Variants in PARD3B observed in about 807,000 individuals in gnomAD.
PARD3B encodes the protein par-3 family cell polarity regulator beta.
Under a neutral mutation model 130.2 loss-of-function variants are expected in PARD3B, and 103 were observed. That is an observed-to-expected ratio of 0.79 (90% CI 0.67 to 0.93). PARD3B has a LOEUF of 0.93. Ranked by LOEUF, PARD3B falls within the 40% of genes least tolerant of loss-of-function variation. The pLI is 0.00. For synonymous variants in PARD3B, 583 were observed against 553.2 expected, an observed-to-expected ratio of 1.05 and a Z score of -0.76; for missense variants, 1,609 against 1,499.2, an observed-to-expected ratio of 1.07 and a Z score of -1.21.
intron 22 of PARD3B, among the ~76,000 whole-genome samples, chr2:205,607,569 C>T (rs964930730): frequency 6.6e-6 from 1 of 152,090 alleles, no homozygotes; most frequent in Non-Finnish European, 1.5e-5. Flanking sequence ...GGAATAAATC[C>T]GTCAAATGGA....
At chr2:204,860,532 A>G (rs904399560) in intron 2 of PARD3B, among the ~76,000 whole-genome samples, 6 of 152,312 alleles carry the variant, frequency 3.9e-5, no homozygotes, top group South Asian at 2.1e-4. Context: ...GAAGACGACA[A>G]CTTCTCCAGT....
At chr2:205,349,702 ACACT>A (rs1218258892) in intron 18 of PARD3B, among the ~76,000 whole-genome samples, 2 of 152,074 alleles carry the variant, frequency 1.3e-5, no homozygotes, top group Non-Finnish European at 2.9e-5. Flanking sequence ...TGAGTAGGTA[ACACT>A]CAGTTACCTA....
chr2:205,391,841 CT>C (rs1038752822), intron 18 of PARD3B, among the ~76,000 whole-genome samples: 5 of 152,060 alleles, frequency 3.3e-5, no homozygotes, highest in African/African-American at 1.2e-4. Flanking sequence ...AATTTCTGGC[CT>C]TTTTTTCATA....
intron 3 of PARD3B, among the ~76,000 whole-genome samples, chr2:204,965,719 C>T (rs1691181173): frequency 6.6e-6 from 1 of 152,146 alleles, no homozygotes; most frequent in Non-Finnish European, 1.5e-5. Context: ...TCTTTTTCTG[C>T]CCAAACTATA....
chr2:204,666,487 A>T (rs1252202971), intron 1 of PARD3B, among the ~76,000 whole-genome samples: 1 of 152,172 alleles, frequency 6.6e-6, no homozygotes, highest in African/African-American at 2.4e-5. Context: ...AAGTGAGTCG[A>T]TGTAGAGAAA....
At chr2:204,970,589 C>T (rs868828384) in intron 3 of PARD3B, among the ~76,000 whole-genome samples, 1 of 152,036 alleles carries the variant, frequency 6.6e-6, no homozygotes, top group Non-Finnish European at 1.5e-5. Flanking sequence ...TGCTATGGCC[C>T]CAATTAATTA....
chr2:204,909,639 A>G lies in PARD3B; in HGVS notation c.223-55513A>G, dbSNP rs139600915. 6.6e-4 allele frequency among the ~76,000 whole-genome samples: 101 copies of G among 152,274 alleles called. 1 individual carries two copies. Among genetic ancestry groups the G allele is most frequent in the African/African-American group, 2.3e-3 (97 of 41,550 alleles). On this transcript the variant is annotated intron_variant, in intron 2 of 22. Transcript: ENST00000406610. ...TCTCACTTGTAAAATGAAGATAATC[A>G]TAGTACCTACCAGTAAGCTTATATA...
intron 2 of PARD3B, among the ~76,000 whole-genome samples, chr2:204,928,285 C>T (rs997499886): frequency 2.0e-5 from 3 of 152,084 alleles, no homozygotes; most frequent in African/African-American, 4.8e-5. Flanking sequence ...TAGACACATG[C>T]AGGGTCTCTA....
intron 21 of PARD3B, among the ~76,000 whole-genome samples, chr2:205,524,865 A>AATAC (rs2051266109): frequency 1.3e-5 from 2 of 152,136 alleles, no homozygotes; most frequent in Non-Finnish European, 2.9e-5. Context: ...CACTATTTCC[A>AATAC]ATACATACTC....
At chr2:205,373,565 A>G (rs1559714080) in intron 18 of PARD3B, among the ~76,000 whole-genome samples, 1 of 152,214 alleles carries the variant, frequency 6.6e-6, no homozygotes, top group African/African-American at 2.4e-5. Flanking sequence ...TGAATCAACC[A>G]ATTAAAGCCA....
intron 18 of PARD3B, among the ~76,000 whole-genome samples, chr2:205,330,010 TAAATAAATAAATAAATAAATAAATA>T (rs1312966045): frequency 0.11 from 331 of 3,128 alleles, 4 homozygotes; most frequent in Admixed American, 0.25. Context: ...AATAAATAAA[TAAATAAATAAATAAATAAATAAATA>T]AAATAAAATA....
chr2:204,744,828 C>T (rs2040149667), intron 2 of PARD3B, among the ~76,000 whole-genome samples: 1 of 152,048 alleles, frequency 6.6e-6, no homozygotes, highest in South Asian at 2.1e-4. Context: ...GACGGTGAGA[C>T]TAAAGTTTAA....
chr2:205,176,658 G>C lies in PARD3B; in HGVS notation c.1924+81G>C. ...CTTTTTATCTAAAAAAAAAAAAAAA[G>C]AGTAAAGGGGAGTTAATTAGACTAA... On this transcript the variant is annotated intron_variant, in intron 13 of 22. Transcript: ENST00000406610. The surrounding 1 kb of genome is among the most constrained non-coding windows in gnomAD (Gnocchi z 5.3). 8.9e-7 allele frequency: 1 copy of C among 1,125,792 alleles called. No individual in the cohort carries two copies. Among genetic ancestry groups the C allele is most frequent in the South Asian group, 1.7e-5 (1 of 58,088 alleles). 69.7% of individuals were successfully genotyped at this position (1,125,792 alleles called of 1,614,324 possible). A position where few individuals can be genotyped will look rare whatever the true frequency, so the allele number is the denominator to read the frequency against.
At chr2:205,480,227 T>C (rs914320408) in intron 20 of PARD3B, among the ~76,000 whole-genome samples, 7 of 152,152 alleles carry the variant, frequency 4.6e-5, no homozygotes, top group Non-Finnish European at 1.0e-4. Context: ...TCTCCTGCAT[T>C]AATTGATTAC....
At chr2:205,529,175 T>C (rs955729127) in intron 21 of PARD3B, among the ~76,000 whole-genome samples, 3 of 152,210 alleles carry the variant, frequency 2.0e-5, no homozygotes, top group Non-Finnish European at 4.4e-5. Context: ...TGGCATGGAC[T>C]GGGGATCTGC....
At chr2:204,945,127 C>T (rs1324601467) in intron 2 of PARD3B, among the ~76,000 whole-genome samples, 2 of 152,214 alleles carry the variant, frequency 1.3e-5, no homozygotes, top group Admixed American at 6.5e-5. Flanking sequence ...TGTGCAGCAA[C>T]AGACCAATAC....
At chr2:204,996,408 G>T (rs992743695) in intron 3 of PARD3B, among the ~76,000 whole-genome samples, 3 of 152,180 alleles carry the variant, frequency 2.0e-5, no homozygotes, top group Non-Finnish European at 4.4e-5. Context: ...TCAGGGGTCA[G>T]GGACCCACTT....
In PARD3B at chr2:205,254,183, A is replaced by G. The variant is rs540166955; in HGVS notation, c.2185+8361A>G. ...CCTACTTGCAAGACCTTTCATTTTA[A>G]ACATCTTTGGAAAATCTAGTCTGCC... On this transcript the variant is annotated intron_variant, in intron 16 of 22. Transcript: ENST00000406610. 1.5e-3 allele frequency among the ~76,000 whole-genome samples: 227 copies of G among 151,870 alleles called. 2 individuals carry two copies. The highest frequency in any genetic ancestry group is 5.0e-3 in the African/African-American group (209 of 41,416).
intron 18 of PARD3B, among the ~76,000 whole-genome samples, chr2:205,313,544 T>A (rs1478735159): frequency 6.6e-6 from 1 of 152,152 alleles, no homozygotes; most frequent in African/African-American, 2.4e-5. Flanking sequence ...TTTACGGCTG[T>A]CCAAAGCGGT....
Sources: gnomAD v4.1 joint callset for allele counts (sites outside exome capture counted in the v4.1 genomes callset) on GRCh38, gnomAD v4.1.1 for gene constraint, Gnocchi (gnomAD v3.1) non-coding constraint, MANE v1.5 for transcripts, NCBI Gene and HGNC (gene_info 2026-07-23, HGNC 2026-07-21) for gene names.